The following SLC16A2 variants were observed in gnomAD, a reference collection of about 807,000 sequenced individuals.
SLC16A2 encodes solute carrier family 16 member 2, also known as monocarboxylate transporter 8.
In SLC16A2, 3 loss-of-function variants were observed where a neutral mutation model predicts 27.2. The observed-to-expected ratio is 0.11, with a 90% CI of 0.05 to 0.28. SLC16A2 has a LOEUF of 0.28. SLC16A2 is among the 10% of genes least tolerant of loss of function. The probability of loss-of-function intolerance (pLI) is 1.00; values close to 1 mark genes in which losing one functional copy is unlikely to be tolerated. For synonymous variants in SLC16A2, 202 were observed against 187.8 expected, an observed-to-expected ratio of 1.08 and a Z score of -0.62; for missense variants, 295 against 458.5, an observed-to-expected ratio of 0.64 and a Z score of 3.26.
intron 1 of SLC16A2, among the ~76,000 whole-genome samples, chrX:74,435,082 G>A (rs979609994): frequency 1.8e-5 from 2 of 108,941 alleles, no homozygotes; most frequent in African/African-American, 3.4e-5. Flanking sequence ...CGCCTGCCTC[G>A]GCCTCCCAAA....
chrX:74,486,893 T>C (rs1569293428), intron 1 of SLC16A2, among the ~76,000 whole-genome samples: 1 of 111,741 alleles, frequency 8.9e-6, no homozygotes, highest in Non-Finnish European at 1.9e-5. Flanking sequence ...CACCATGGAA[T>C]ACTACGCAGC....
chrX:74,436,347 G>A (rs188879876), intron 1 of SLC16A2, among the ~76,000 whole-genome samples: 3 of 111,714 alleles, frequency 2.7e-5, no homozygotes, highest in Admixed American at 1.9e-4. Flanking sequence ...TTTCTAAGAC[G>A]TTGGTTTTAC....
intron 1 of SLC16A2, among the ~76,000 whole-genome samples, chrX:74,436,437 ACTGT>A (rs1928633475): frequency 9.0e-6 from 1 of 111,679 alleles, no homozygotes; most frequent in Non-Finnish European, 1.9e-5. Context: ...AGTGAGCCAC[ACTGT>A]CTGGATTAAT....
intron 1 of SLC16A2, among the ~76,000 whole-genome samples, chrX:74,430,534 G>A (rs374301772): frequency 4.5e-5 from 5 of 111,964 alleles, no homozygotes; most frequent in East Asian, 2.8e-4. Flanking sequence ...TATGCAAAGC[G>A]TCATAATTCT....
intron 1 of SLC16A2, among the ~76,000 whole-genome samples, chrX:74,468,544 C>CT (rs1929293929): frequency 8.9e-6 from 1 of 111,905 alleles, no homozygotes; most frequent in Admixed American, 9.5e-5. Context: ...GTTGTTTCTA[C>CT]TTTTTGGCTA....
intron 1 of SLC16A2, among the ~76,000 whole-genome samples, chrX:74,478,359 C>G (rs919531700): frequency 9.0e-6 from 1 of 111,302 alleles, no homozygotes; most frequent in African/African-American, 3.3e-5. Flanking sequence ...TCCTCCATCC[C>G]TTTATTTTGA....
intron 1 of SLC16A2, among the ~76,000 whole-genome samples, chrX:74,506,069 A>T (rs1173675690): frequency 8.9e-6 from 1 of 111,941 alleles, no homozygotes; most frequent in African/African-American, 3.2e-5. Flanking sequence ...GAGATTTGCT[A>T]ACCTAATAAG....
chrX:74,422,189 A>C, intron 1 of SLC16A2, 122 bp downstream of exon 1: 1 of 693,348 alleles, frequency 1.4e-6, no homozygotes, highest in Non-Finnish European at 2.2e-6. Context: ...TCCTCCCCTT[A>C]CCCCTTACCC....
At position 74,531,862 on chromosome X, in the gene SLC16A2, T is replaced by A; in HGVS notation, c.*309T>A. 1 of 360,994 alleles carries A rather than the reference T, an allele frequency of 2.8e-6. No homozygotes were observed. Among genetic ancestry groups the A allele is most frequent in the Non-Finnish European group, 4.9e-6 (1 of 203,268 alleles). 29.7% of individuals were successfully genotyped at this position (360,994 alleles called of 1,213,427 possible). On this transcript the variant is annotated 3_prime_UTR_variant, in exon 6 of 6. Transcript: ENST00000587091. ...TCTGGGGGAGGAGGAGGATGGGACC[T>A]CCTGGACCCAGCTTGTTAGTCACCC... is the stretch of plus-strand genomic sequence containing the variant.
chrX:74,451,336 T>C (rs757443422), intron 1 of SLC16A2, among the ~76,000 whole-genome samples: 1 of 112,174 alleles, frequency 8.9e-6, no homozygotes, highest in Admixed American at 9.5e-5. Context: ...ATGTGTTTAA[T>C]ACTTTGAGAA....
At chrX:74,439,478 T>G (rs1351852112) in intron 1 of SLC16A2, among the ~76,000 whole-genome samples, 1 of 41,157 alleles carries the variant, frequency 2.4e-5, no homozygotes, top group African/African-American at 1.1e-4. Context: ...GCCCGGCTAA[T>G]TTTTTTTTTT....
chrX:74,453,282 A>G (rs976051268), intron 1 of SLC16A2, among the ~76,000 whole-genome samples: 1 of 110,292 alleles, frequency 9.1e-6, no homozygotes, highest in African/African-American at 3.3e-5. Flanking sequence ...TGATCCACCC[A>G]CCTCAGCCTC....
chrX:74,509,375 G>T (rs1041670605), intron 1 of SLC16A2, among the ~76,000 whole-genome samples: 1 of 111,595 alleles, frequency 9.0e-6, no homozygotes. Flanking sequence ...TGTATTTCTG[G>T]TTTGCTAAGA....
At chrX:74,489,146 C>T (rs749050872) in intron 1 of SLC16A2, among the ~76,000 whole-genome samples, 34 of 111,772 alleles carry the variant, frequency 3.0e-4, no homozygotes, top group Non-Finnish European at 5.1e-4. Flanking sequence ...ATTTTGATAG[C>T]CGTGAATTTC....
chrX:74,449,443 G>A lies in SLC16A2; in HGVS notation c.430+27376G>A, dbSNP rs150012428. 3.1e-3 allele frequency among the ~76,000 whole-genome samples: 349 copies of A among 112,123 alleles called. 1 individual carries two copies. Among genetic ancestry groups the A allele is most frequent in the African/African-American group, 0.011 (327 of 30,907 alleles). On this transcript the variant is annotated intron_variant, in intron 1 of 5. Transcript: ENST00000587091. ...AAAACATATGTTGTTAGCCCCAAAGGCTCAAGATATAACCTCCAAAGTAAC... is the reference window on the plus strand; with the variant it reads ...AAAACATATGTTGTTAGCCCCAAAGACTCAAGATATAACCTCCAAAGTAAC...
intron 1 of SLC16A2, among the ~76,000 whole-genome samples, chrX:74,501,640 G>T (rs183087061): frequency 1.8e-5 from 2 of 111,337 alleles, no homozygotes; most frequent in Admixed American, 1.9e-4. Context: ...ATTAGCCAAA[G>T]CCCAGACCAG....
chrX:74,528,109 C>T (rs1241159260), intron 4 of SLC16A2, among the ~76,000 whole-genome samples: 1 of 112,528 alleles, frequency 8.9e-6, no homozygotes, highest in Non-Finnish European at 1.9e-5. Context: ...ACCCCCACTC[C>T]TTCCATGTGT....
intron 1 of SLC16A2, among the ~76,000 whole-genome samples, chrX:74,483,401 T>C (rs1929661314): frequency 8.9e-6 from 1 of 111,775 alleles, no homozygotes; most frequent in African/African-American, 3.3e-5. Context: ...AAAGGGTTCT[T>C]CTTAGCTTTT....
At chrX:74,475,611 T>C (rs1334619662) in intron 1 of SLC16A2, among the ~76,000 whole-genome samples, 1 of 112,171 alleles carries the variant, frequency 8.9e-6, no homozygotes, top group East Asian at 2.8e-4. Context: ...TTTATGGTTT[T>C]AGGTCTAACA....
Sources: allele counts gnomAD v4.1 joint callset (sites outside exome capture counted in the v4.1 genomes callset), GRCh38; gene constraint gnomAD v4.1.1; transcripts MANE v1.5; gene names NCBI Gene and HGNC (gene_info 2026-07-23, HGNC 2026-07-21).